TBL1Y: variants seen among roughly 807,000 people sequenced by gnomAD.
TBL1Y encodes F-box-like/WD repeat-containing protein TBL1Y.
A neutral mutation model predicts 12.0 loss-of-function variants in TBL1Y; 15 were observed. The ratio of observed to expected loss-of-function variants is 1.25; its 90% CI spans 0.83 to 1.92. The LOEUF (loss-of-function observed/expected upper bound fraction) is 1.92, where lower values mean the gene tolerates loss of function less well. Ranked by LOEUF, TBL1Y falls within the 40% of genes most tolerant of loss-of-function variation. The pLI is 0.00. For missense variants in TBL1Y, 148 were observed against 116.7 expected, an observed-to-expected ratio of 1.27 and a Z score of -1.24; for synonymous variants, 53 against 42.6, an observed-to-expected ratio of 1.24 and a Z score of -0.95.
intron 4 of TBL1Y, among the ~76,000 whole-genome samples, chrY:7,009,936 C>A: frequency 3.4e-5 from 1 of 29,527 alleles, no homozygotes; most frequent in Non-Finnish European, 7.9e-5. Flanking sequence ...GAGGCTGAGG[C>A]AGGAGAATGG....
At chrY:6,945,883 T>A (rs2011982159) in intron 2 of TBL1Y, among the ~76,000 whole-genome samples, 1 of 34,051 alleles carries the variant, frequency 2.9e-5, no homozygotes, top group African/African-American at 1.1e-4. Flanking sequence ...TTAGGCAGTC[T>A]TAAGAGTATA....
chrY:7,064,026 G>C lies in TBL1Y; in HGVS notation c.334G>C (p.Ala112Pro), dbSNP rs762450167. Residue 112 changes from alanine to proline, a missense_variant, in exon 8 of 19, where the codon GCC (alanine) becomes CCC (proline). Transcript: ENST00000383032. ...KLTQQQASAAATEASAMAKAA... is the reference protein window; with the variant it reads ...KLTQQQASAAPTEASAMAKAA... ...CACTCAGCAGCAAGCCAGTGCAGCA[G>C]CCACAGAGGCATCAGCAATGGCAAA... 7.6e-6 allele frequency: 3 copies of C among 396,764 alleles called. No individual in the cohort carries two copies. The highest frequency in any genetic ancestry group is 3.0e-5 in the South Asian group (1 of 33,283).
At chrY:7,070,370 G>T in intron 9 of TBL1Y, 42 bp downstream of exon 9, 1 of 385,908 alleles carries the variant, frequency 2.6e-6, no homozygotes, top group Non-Finnish European at 3.6e-6. Flanking sequence ...TCAGGGAGAC[G>T]CAAGCTGCTT....
intron 4 of TBL1Y, among the ~76,000 whole-genome samples, chrY:6,996,579 C>G: frequency 3.0e-5 from 1 of 32,870 alleles, no homozygotes; most frequent in Non-Finnish European, 7.5e-5. Flanking sequence ...TGGTGTGTGC[C>G]TGTAGTCTCA....
intron 2 of TBL1Y, among the ~76,000 whole-genome samples, chrY:6,933,343 AG>A: frequency 3.0e-5 from 1 of 33,891 alleles, no homozygotes; most frequent in East Asian, 7.8e-4. Flanking sequence ...AGGGGAAAGA[AG>A]GCAAGTATAA....
At chrY:7,027,194 G>A in intron 6 of TBL1Y, among the ~76,000 whole-genome samples, 9 of 33,200 alleles carry the variant, frequency 2.7e-4, no homozygotes, top group African/African-American at 8.2e-4. Context: ...AAGCCACTGC[G>A]CCCAGCCACT....
At chrY:7,038,653 T>C (rs900209435) in intron 6 of TBL1Y, among the ~76,000 whole-genome samples, 2 of 33,127 alleles carry the variant, frequency 6.0e-5, no homozygotes, top group Non-Finnish European at 1.5e-4. Context: ...GAAACCTTGC[T>C]GAAGAGAGAT....
chrY:7,080,333 A>C (rs2013089104), intron 13 of TBL1Y, among the ~76,000 whole-genome samples: 1 of 32,942 alleles, frequency 3.0e-5, no homozygotes. Context: ...CGGCCTTCCA[A>C]AATGCTGGGC....
chrY:7,086,001 G>A (rs1003122598), intron 15 of TBL1Y, 29 bp downstream of exon 15: 1 of 389,295 alleles, frequency 2.6e-6, no homozygotes, highest in Non-Finnish European at 3.6e-6. Flanking sequence ...GGGGTGGGCT[G>A]TTTAATCTCA....
At chrY:6,914,355 A>T in intron 2 of TBL1Y, among the ~76,000 whole-genome samples, 1 of 31,917 alleles carries the variant, frequency 3.1e-5, no homozygotes. Context: ...TGAGTAACAG[A>T]GGAATAATCT....
intron 4 of TBL1Y, among the ~76,000 whole-genome samples, chrY:7,014,325 G>A (rs2012536107): frequency 3.1e-5 from 1 of 32,564 alleles, no homozygotes; most frequent in African/African-American, 1.2e-4. Flanking sequence ...GAATGTGCCT[G>A]GTTTCCCTTC....
At chrY:7,076,518 A>G in intron 13 of TBL1Y, among the ~76,000 whole-genome samples, 1 of 32,825 alleles carries the variant, frequency 3.0e-5, no homozygotes, top group African/African-American at 1.2e-4. Context: ...TCCAGGAGGA[A>G]CACAGCTGTG....
At chrY:7,013,820 G>T in intron 4 of TBL1Y, among the ~76,000 whole-genome samples, 3 of 34,397 alleles carry the variant, frequency 8.7e-5, no homozygotes, top group Non-Finnish European at 2.2e-4. Flanking sequence ...TGCCTTGCTG[G>T]GTTTTGGACT....
chrY:6,914,192 G>A, intron 2 of TBL1Y, among the ~76,000 whole-genome samples: 1 of 32,430 alleles, frequency 3.1e-5, no homozygotes, highest in Non-Finnish European at 7.5e-5. Context: ...GAGGCCAGGA[G>A]TTTGAGACCT....
At chrY:6,965,526 A>G in intron 2 of TBL1Y, among the ~76,000 whole-genome samples, 1 of 33,130 alleles carries the variant, frequency 3.0e-5, no homozygotes, top group African/African-American at 1.2e-4. Context: ...CCATTGCTCC[A>G]TCTGCGAGTC....
intron 18 of TBL1Y, among the ~76,000 whole-genome samples, chrY:7,091,236 T>C: frequency 3.0e-5 from 1 of 33,850 alleles, no homozygotes; most frequent in Non-Finnish European, 7.3e-5. Flanking sequence ...GAATTGTTCT[T>C]AACCTGGCCT....
At chrY:7,051,019 C>T (rs932814035) in intron 7 of TBL1Y, among the ~76,000 whole-genome samples, 2 of 32,802 alleles carry the variant, frequency 6.1e-5, no homozygotes, top group South Asian at 7.1e-4. Context: ...TTAAAAAACC[C>T]GCATATTGAA....
intron 17 of TBL1Y, among the ~76,000 whole-genome samples, chrY:7,089,651 A>G (rs2013161907): frequency 3.0e-5 from 1 of 33,404 alleles, no homozygotes; most frequent in South Asian, 6.8e-4. Flanking sequence ...TTAGCTGGGC[A>G]TGGTCACACA....
chrY:7,001,058 G>T (rs748180483), intron 4 of TBL1Y, among the ~76,000 whole-genome samples: 1 of 32,909 alleles, frequency 3.0e-5, no homozygotes, highest in Non-Finnish European at 7.5e-5. Flanking sequence ...TGTTGGCATG[G>T]TCATCCCCAT....
Sources: gnomAD v4.1 joint callset for allele counts (sites outside exome capture counted in the v4.1 genomes callset) on GRCh38, gnomAD v4.1.1 for gene constraint, MANE v1.5 for transcripts, NCBI Gene and HGNC (gene_info 2026-07-23, HGNC 2026-07-21) for gene names.